Variants in RBM24 observed in about 807,000 individuals in gnomAD.
RBM24 encodes the protein RNA-binding protein 24.
RBM24 carries 5 observed loss-of-function variants against 23.6 expected under a neutral mutation model. The observed-to-expected ratio is 0.21, with a 90% CI of 0.11 to 0.45. RBM24 has a LOEUF of 0.45. Among genes scored for constraint, RBM24 ranks in the 20% least tolerant of loss-of-function variants. The probability of loss-of-function intolerance (pLI) is 0.99; values close to 1 mark genes in which losing one functional copy is unlikely to be tolerated. For missense variants in RBM24, 252 were observed against 314.6 expected (o/e 0.80, Z 1.51); for synonymous variants, 151 against 129.5 (o/e 1.17, Z -1.13).
In RBM24 at chr6:17,288,284, AG is replaced by A. The variant is rs911339242; in HGVS notation, c.348-3469del. On this transcript the variant is annotated intron_variant, in intron 3 of 3. Transcript: ENST00000379052. ...GTAAGAAAGCCGATAAGCACCAAGA[AG>A]GGCTGTCCATGTGGCTTCAGATAAG... is the stretch of plus-strand genomic sequence containing the variant. 3 of 985,326 alleles carry A rather than the reference AG, an allele frequency of 3.0e-6. No individual in the cohort carries two copies. In the African/African-American group the frequency reaches 5.2e-5, roughly 17 times the overall value. The allele number at this position is 985,326 out of a possible 1,614,324, so 61.0% of individuals were successfully genotyped here.
intron 1 of RBM24, chr6:17,282,184 G>A: frequency 2.3e-6 from 3 of 1,280,230 alleles, no homozygotes; most frequent in Non-Finnish European, 3.0e-6. Context: ...TGGGGCTGTT[G>A]CCCTTGTGTC....
rs960386836 is a variant in RBM24, at chr6:17,293,335, G to A, written c.*1216G>A. On this transcript the variant is annotated 3_prime_UTR_variant, in exon 4 of 4. Coordinates refer to ENST00000379052, the MANE Select transcript of RBM24 (RefSeq NM_001143942.2). Reference sequence around the variant, plus strand: ...CATAAATTATTTAGTAAGTCTAGATGTAGCGTATTAAATATTAACCTATTC... The same window carrying A: ...CATAAATTATTTAGTAAGTCTAGATATAGCGTATTAAATATTAACCTATTC... The A allele has an allele frequency of 6.6e-6, 1 of 152,616 alleles. No individual in the cohort carries two copies. The highest frequency in any genetic ancestry group is 6.5e-5 in the Admixed American group (1 of 15,270). 9.5% of individuals were successfully genotyped at this position (152,616 alleles called of 1,614,324 possible).
chr6:17,291,640 AT>A (rs2113412894), intron 3 of RBM24, 115 bp from the exon 4 acceptor site: 1 of 1,143,890 alleles, frequency 8.7e-7, no homozygotes, highest in Non-Finnish European at 1.2e-6. Flanking sequence ...GAAAGTAGAT[AT>A]TGTGGCAACC....
intron 2 of RBM24, chr6:17,283,225 A>G: frequency 3.1e-6 from 1 of 324,728 alleles, no homozygotes; most frequent in Non-Finnish European, 5.9e-6. Context: ...TCAATTTTCC[A>G]ATTTTTAGCC....
At chr6:17,288,791 A>G (rs1447647998) in intron 3 of RBM24, 1 of 985,216 alleles carries the variant, frequency 1.0e-6, no homozygotes, top group East Asian at 1.1e-4. Flanking sequence ...GGAAGGAAAT[A>G]CTAGAAAGGT....
At position 17,281,588 on chromosome 6, in the gene RBM24, A is replaced by G; in HGVS notation, c.7A>G (p.Thr3Ala). MH[T>A]TQKDTTYTKI... Reference sequence around the variant, plus strand: ...CCGCGGGGCGGGTGCGAAGATGCACACGACCCAGAAGGACACGACGTACAC... The same window carrying G: ...CCGCGGGGCGGGTGCGAAGATGCACGCGACCCAGAAGGACACGACGTACAC... The change falls in exon 1 of 4, where the codon ACG (threonine) becomes GCG (alanine). Residue 3 changes from threonine (T) to alanine (A), a missense_variant. Transcript: ENST00000379052. This position sits in a 1 kb window ranked among gnomAD's most constrained non-coding sequence, Gnocchi z 7.1. The G allele has an allele frequency of 6.6e-7, 1 of 1,516,812 alleles. No individual in the cohort carries two copies. The highest frequency in any genetic ancestry group is 8.8e-7 in the Non-Finnish European group (1 of 1,132,200). 94.0% of individuals were successfully genotyped at this position (1,516,812 alleles called of 1,614,324 possible).
In RBM24 at chr6:17,293,446, T is replaced by C. The variant is rs1214065907; in HGVS notation, c.*1327T>C. The C allele has an allele frequency of 6.6e-6, 1 of 152,600 alleles. No homozygotes were observed. The highest frequency in any genetic ancestry group is 1.5e-5 in the Non-Finnish European group (1 of 68,008). 9.5% of individuals were successfully genotyped at this position (152,600 alleles called of 1,614,324 possible). On this transcript the variant is annotated 3_prime_UTR_variant, in exon 4 of 4. Transcript: ENST00000379052. ...CTTACATTAACACATTTTAGTTTAGTTTTTAGATTTTTTTTTAAACGATAT... is the reference window on the plus strand; with the variant it reads ...CTTACATTAACACATTTTAGTTTAGCTTTTAGATTTTTTTTTAAACGATAT...
chr6:17,290,932 G>GA (rs1047810004), intron 3 of RBM24: 88 of 1,203,360 alleles, frequency 7.3e-5, no homozygotes, highest in Non-Finnish European at 8.3e-5. Context: ...TTTTATGGGG[G>GA]AAAAAAAAGA....
chr6:17,282,523 G>A (rs1462529727), intron 1 of RBM24: 1 of 517,432 alleles, frequency 1.9e-6, no homozygotes, highest in African/African-American at 1.9e-5. Context: ...TCTCGGCTAG[G>A]CCCTACTAAC....
chr6:17,283,706 C>T (rs527880137), intron 2 of RBM24, among the ~76,000 whole-genome samples: 1 of 152,176 alleles, frequency 6.6e-6, no homozygotes, highest in African/African-American at 2.4e-5. Flanking sequence ...CGTGAGCCAC[C>T]GCGCCTGGCC....
chr6:17,287,194 C>G (rs1353600010), intron 3 of RBM24, among the ~76,000 whole-genome samples: 2 of 152,140 alleles, frequency 1.3e-5, no homozygotes, highest in Non-Finnish European at 2.9e-5. Flanking sequence ...CCTGGTCATC[C>G]TAAATTCTGT....
At chr6:17,284,792 A>T (rs1760145035) in intron 3 of RBM24, 81 bp downstream of exon 3, 1 of 989,116 alleles carries the variant, frequency 1.0e-6, no homozygotes, top group Non-Finnish European at 1.5e-6. Flanking sequence ...TACAGATAAG[A>T]TCATGATGTC....
At chr6:17,285,515 A>C (rs1174123560) in intron 3 of RBM24, among the ~76,000 whole-genome samples, 2 of 152,074 alleles carry the variant, frequency 1.3e-5, no homozygotes, top group Non-Finnish European at 2.9e-5. Flanking sequence ...TCTTTGTCAG[A>C]ATACAGATTC....
chr6:17,282,897 C>T lies in RBM24; in HGVS notation c.261C>T (p.Tyr87=). ...GAAAGGCCAACGTGAACCTGGCATA[C>T]TTAGGAGCAAAACCAAGGATCATGC... ...DGRKANVNLA[Y]LGAKPRIMQP... Residue 87 remains tyrosine (Y), a synonymous_variant, in exon 2 of 4, where the codon TAC becomes TAT. Coordinates refer to ENST00000379052, the MANE Select transcript of RBM24 (RefSeq NM_001143942.2). 1 of 1,614,148 alleles carries T rather than the reference C, an allele frequency of 6.2e-7. No individual in the cohort carries two copies.
intron 1 of RBM24, chr6:17,282,355 T>C (rs1760050096): frequency 1.2e-6 from 1 of 839,658 alleles, no homozygotes; most frequent in African/African-American, 1.8e-5. Context: ...ACAATAGCTA[T>C]TGTCGTTGGG....
intron 3 of RBM24, chr6:17,288,865 C>T: frequency 4.1e-6 from 4 of 985,430 alleles, no homozygotes; most frequent in Non-Finnish European, 4.8e-6. Context: ...GAAATTTGCA[C>T]TGAGTTTGGT....
At chr6:17,284,092 G>A (rs1239821276) in intron 2 of RBM24, among the ~76,000 whole-genome samples, 2 of 152,074 alleles carry the variant, frequency 1.3e-5, no homozygotes, top group Non-Finnish European at 1.5e-5. Context: ...CCATCCAAAC[G>A]GGTTTAAAAG....
At chr6:17,282,742 T>G (rs1375786471) in intron 1 of RBM24, 63 bp from the exon 2 acceptor site, 1 of 1,595,076 alleles carries the variant, frequency 6.3e-7, no homozygotes, top group East Asian at 2.3e-5. Flanking sequence ...TTGTGATTCT[T>G]GATTTCCTTC....
At chr6:17,282,142 G>T in intron 1 of RBM24, 1 of 1,226,642 alleles carries the variant, frequency 8.2e-7, no homozygotes, top group South Asian at 1.5e-5. Flanking sequence ...TGGTGTTTTG[G>T]CTGGGGCAGG....
Sources: allele counts gnomAD v4.1 joint callset (sites outside exome capture counted in the v4.1 genomes callset), GRCh38; gene constraint gnomAD v4.1.1; non-coding constraint Gnocchi (gnomAD v3.1); transcripts MANE v1.5; gene names NCBI Gene and HGNC (gene_info 2026-07-23, HGNC 2026-07-21).